The following ZNF331 variants were observed in gnomAD, a reference collection of about 807,000 sequenced individuals.
ZNF331 encodes the protein zinc finger protein 331, also known as C2H2-like zinc finger protein rearranged in thyroid adenomas.
A neutral mutation model predicts 7.0 loss-of-function variants in ZNF331; 2 were observed. The observed-to-expected ratio is 0.29, with a 90% CI of 0.12 to 0.90. The LOEUF (loss-of-function observed/expected upper bound fraction) is 0.90. Among genes scored for constraint, ZNF331 ranks in the 40% least tolerant of loss-of-function variants. The probability of loss-of-function intolerance (pLI) is 0.58; values close to 1 mark genes in which losing one functional copy is unlikely to be tolerated. For synonymous variants in ZNF331, 196 were observed against 205.4 expected (o/e 0.95, Z 0.39); for missense variants, 432 against 587.7 (o/e 0.74, Z 2.74).
chr19:53,570,906 G>T (rs534484129), intron 4 of ZNF331, among the ~76,000 whole-genome samples: 1 of 149,230 alleles, frequency 6.7e-6, no homozygotes, highest in East Asian at 2.0e-4. Context: ...GCCCAGGCTG[G>T]AGTGCAGTGC....
At chr19:53,544,694 A>AT (rs1193343421) in intron 2 of ZNF331, among the ~76,000 whole-genome samples, 1 of 152,038 alleles carries the variant, frequency 6.6e-6, no homozygotes, top group Non-Finnish European at 1.5e-5. Context: ...TCAAGGAGGG[A>AT]ATCTGTGTCA....
the ZNF331 span, among the ~76,000 whole-genome samples, chr19:53,506,444 GTCTCTCTCTCTC>G: frequency 7.7e-3 from 661 of 86,240 alleles, 14 homozygotes; most frequent in African/African-American, 0.024. Context: ...CTCTCTCTCT[GTCTCTCTCTCTC>G]TCTCTCTCTC....
At chr19:53,514,194 A>G in the ZNF331 span, among the ~76,000 whole-genome samples, 1 of 150,626 alleles carries the variant, frequency 6.6e-6, no homozygotes, top group African/African-American at 2.4e-5. Context: ...AATAACTAAT[A>G]TATTTTTTCT....
intron 2 of ZNF331, among the ~76,000 whole-genome samples, chr19:53,545,280 A>T (rs1345638546): frequency 6.6e-6 from 1 of 152,096 alleles, no homozygotes; most frequent in Non-Finnish European, 1.5e-5. Context: ...TCAAAATTAG[A>T]TGTTTGTTAA....
At chr19:53,533,188 T>C (rs1412612504), upstream of ZNF331, among the ~76,000 whole-genome samples, 1 of 152,108 alleles carries the variant, frequency 6.6e-6, no homozygotes, top group African/African-American at 2.4e-5. Flanking sequence ...ATTTGGTATG[T>C]TGTTTCCTTT....
At chr19:53,543,044 G>A (rs1415052202) in intron 2 of ZNF331, among the ~76,000 whole-genome samples, 1 of 152,072 alleles carries the variant, frequency 6.6e-6, no homozygotes, top group Non-Finnish European at 1.5e-5. Context: ...CCCGACCTCA[G>A]GTGATCCACC....
At position 53,557,504 on chromosome 19, in the gene ZNF331, A is replaced by G. The variant is rs143782606; in HGVS notation, c.-74+1596A>G. On this transcript the variant is annotated intron_variant, in intron 3 of 5. Coordinates refer to ENST00000449416, the MANE Select transcript of ZNF331 (RefSeq NM_001079906.2). ...AGGCCTCACGTCTTAATACCATCAC[A>G]TTGGGGAACAGAATTTCAATATAGG... 7.9e-5 allele frequency among the ~76,000 whole-genome samples: 12 copies of G among 152,268 alleles called. No individual in the cohort carries two copies. The East Asian group carries it at 1.9e-3, about 25-fold the overall frequency.
At chr19:53,518,202 C>A (rs754030499), upstream of ZNF331, among the ~76,000 whole-genome samples, 1 of 152,182 alleles carries the variant, frequency 6.6e-6, no homozygotes, top group African/African-American at 2.4e-5. Flanking sequence ...ATCTTTCTCC[C>A]GTGCTGGATG....
At chr19:53,526,595 C>T (rs1478219925) in intron 2 of ZNF331, among the ~76,000 whole-genome samples, 1 of 151,702 alleles carries the variant, frequency 6.6e-6, no homozygotes, top group South Asian at 2.1e-4. Flanking sequence ...GCCCTGTCAC[C>T]AGGCTGGAGT....
intron 3 of ZNF331, among the ~76,000 whole-genome samples, chr19:53,562,550 C>T (rs550306715): frequency 1.3e-5 from 2 of 151,700 alleles, no homozygotes; most frequent in South Asian, 4.2e-4. Flanking sequence ...ACTAGCCAAG[C>T]ATGGTGGCAA....
rs1442834126 is a variant in ZNF331 at position 53,538,237 on chromosome 19, C to T, written c.-264C>T. ...GAGCGTCATTGGGGGCGATGGGGGCCGTGCTGGGTGCGCGTTTGCACCAGT... is the reference window on the plus strand; with the variant it reads ...GAGCGTCATTGGGGGCGATGGGGGCTGTGCTGGGTGCGCGTTTGCACCAGT... On this transcript the variant is annotated 5_prime_UTR_variant, in exon 1 of 6. Coordinates refer to ENST00000449416, the MANE Select transcript of ZNF331 (RefSeq NM_001079906.2). The T allele has an allele frequency of 1.3e-5, 2 of 152,254 alleles. No individual in the cohort carries two copies. Among genetic ancestry groups the T allele is most frequent in the Non-Finnish European group, 2.9e-5 (2 of 68,136 alleles). The allele number at this position is 152,254 out of a possible 1,614,324, so 9.4% of individuals were successfully genotyped here. A position where few individuals can be genotyped will look rare whatever the true frequency, so the allele number is the denominator to read the frequency against.
intron 2 of ZNF331, among the ~76,000 whole-genome samples, chr19:53,532,182 A>G (rs549381669): frequency 5.3e-5 from 8 of 152,296 alleles, no homozygotes; most frequent in Non-Finnish European, 1.2e-4. Flanking sequence ...TCACCAGGTT[A>G]TAAAATAGAT....
chr19:53,506,456 C>G, the ZNF331 span, among the ~76,000 whole-genome samples: 35,461 of 100,660 alleles, frequency 0.35, 4,204 homozygotes, highest in Middle Eastern at 0.42. Context: ...CTCTCTCTCT[C>G]TCTCTCTCTC....
chr19:53,565,846 A>T (rs2090127577), intron 3 of ZNF331, among the ~76,000 whole-genome samples: 1 of 152,150 alleles, frequency 6.6e-6, no homozygotes, highest in South Asian at 2.1e-4. Context: ...TTTTAAGAAA[A>T]AAAAAGAAAC....
the ZNF331 span, among the ~76,000 whole-genome samples, chr19:53,506,444 GTCTCTCTCTCTCTCTCTC>G: frequency 5.8e-5 from 5 of 86,266 alleles, no homozygotes; most frequent in African/African-American, 1.0e-4. Context: ...CTCTCTCTCT[GTCTCTCTCTCTCTCTCTC>G]TCTCTCTCTC....
chr19:53,534,056 T>A (rs1024372155), upstream of ZNF331, among the ~76,000 whole-genome samples: 3 of 152,180 alleles, frequency 2.0e-5, no homozygotes, highest in Non-Finnish European at 4.4e-5. Context: ...TAATAGCAGC[T>A]GTTATAGCAG....
chr19:53,552,246 C>G (rs1315248449), intron 2 of ZNF331, among the ~76,000 whole-genome samples: 1 of 152,142 alleles, frequency 6.6e-6, no homozygotes, highest in Non-Finnish European at 1.5e-5. Flanking sequence ...AGAATCATCT[C>G]TCTGTTCCCC....
chr19:53,568,054 G>A (rs886815501), intron 3 of ZNF331, among the ~76,000 whole-genome samples: 1 of 152,012 alleles, frequency 6.6e-6, no homozygotes, highest in African/African-American at 2.4e-5. Flanking sequence ...TTTGAGACCA[G>A]CCTGGCCAAC....
At chr19:53,514,365 A>AT in the ZNF331 span, among the ~76,000 whole-genome samples, 1 of 150,364 alleles carries the variant, frequency 6.7e-6, no homozygotes, top group Admixed American at 6.6e-5. Flanking sequence ...CACCCGGCAA[A>AT]TTTTTTTGTA....
Sources: gnomAD v4.1 joint callset for allele counts (sites outside exome capture counted in the v4.1 genomes callset) on GRCh38, gnomAD v4.1.1 for gene constraint, MANE v1.5 for transcripts, NCBI Gene and HGNC (gene_info 2026-07-23, HGNC 2026-07-21) for gene names.